The following QTMAN variants were observed in gnomAD, a reference collection of about 807,000 sequenced individuals.
QTMAN encodes queuosine-tRNA mannosyltransferase.
chr2:144,004,459 CTG>C, the QTMAN span, among the ~76,000 whole-genome samples: 8 of 152,050 alleles, frequency 5.3e-5, no homozygotes, highest in South Asian at 1.2e-3. Flanking sequence ...TAAAAATAAA[CTG>C]TATTTTTATG....
At chr2:143,984,773 G>C in the QTMAN span, among the ~76,000 whole-genome samples, 9 of 152,218 alleles carry the variant, frequency 5.9e-5, no homozygotes, top group African/African-American at 2.2e-4. Flanking sequence ...ACTATGGTCA[G>C]AGAGGAGTTT....
the QTMAN span, among the ~76,000 whole-genome samples, chr2:144,179,721 G>A: frequency 1.3e-5 from 2 of 152,142 alleles, no homozygotes; most frequent in Non-Finnish European, 2.9e-5. Context: ...AAGAAGTATA[G>A]TTAGGTCACA....
At chr2:144,222,506 T>C in the QTMAN span, among the ~76,000 whole-genome samples, 1,191 of 152,110 alleles carry the variant, frequency 7.8e-3, 6 homozygotes, top group Non-Finnish European at 0.013. Context: ...CTGAAGTGTC[T>C]TGTATTAAGA....
the QTMAN span, among the ~76,000 whole-genome samples, chr2:144,083,506 T>C: frequency 6.6e-6 from 1 of 152,184 alleles, no homozygotes; most frequent in Non-Finnish European, 1.5e-5. Flanking sequence ...TATAATTGTT[T>C]AAGAACACTC....
At chr2:144,171,541 A>T in the QTMAN span, among the ~76,000 whole-genome samples, 2,334 of 152,304 alleles carry the variant, frequency 0.015, 60 homozygotes, top group African/African-American at 0.053. Flanking sequence ...TATTTTAATT[A>T]TGTGAAAAAC....
At chr2:144,249,233 C>A in the QTMAN span, among the ~76,000 whole-genome samples, 1 of 152,136 alleles carries the variant, frequency 6.6e-6, no homozygotes. Context: ...AGAAAACGCT[C>A]ATTTTTGTAT....
the QTMAN span, chr2:144,005,985 T>C: frequency 3.9e-5 from 6 of 152,086 alleles, no homozygotes; most frequent in African/African-American, 1.2e-4. Flanking sequence ...GAAAAAGCTT[T>C]TCAGAAGGGA....
At chr2:144,041,172 T>C in the QTMAN span, among the ~76,000 whole-genome samples, 1 of 152,280 alleles carries the variant, frequency 6.6e-6, no homozygotes, top group South Asian at 2.1e-4. Context: ...GGTCAAGCGA[T>C]TTTTAACACA....
At chr2:144,201,341 T>C in the QTMAN span, among the ~76,000 whole-genome samples, 1 of 152,090 alleles carries the variant, frequency 6.6e-6, no homozygotes, top group African/African-American at 2.4e-5. Context: ...AGGAAAAAGC[T>C]TGATGTTTCA....
At chr2:144,311,026 TTGTG>T in the QTMAN span, among the ~76,000 whole-genome samples, 1 of 152,334 alleles carries the variant, frequency 6.6e-6, no homozygotes, top group Non-Finnish European at 1.5e-5. Flanking sequence ...AATGGATTGT[TTGTG>T]TGTTTTCTGA....
At chr2:144,308,473 T>C in the QTMAN span, among the ~76,000 whole-genome samples, 3 of 152,088 alleles carry the variant, frequency 2.0e-5, no homozygotes, top group African/African-American at 7.2e-5. Flanking sequence ...CCATGATTAG[T>C]TGATTTTTAA....
At chr2:144,275,747 C>T in the QTMAN span, among the ~76,000 whole-genome samples, 1 of 152,096 alleles carries the variant, frequency 6.6e-6, no homozygotes, top group Admixed American at 6.6e-5. Flanking sequence ...ACAACCTATT[C>T]CAATTCACGT....
the QTMAN span, among the ~76,000 whole-genome samples, chr2:144,056,502 T>C: frequency 6.6e-6 from 1 of 152,248 alleles, no homozygotes; most frequent in Non-Finnish European, 1.5e-5. Context: ...GTTTGTCATC[T>C]GTCTTTCCTC....
chr2:143,947,709 G>C, the QTMAN span, among the ~76,000 whole-genome samples: 1 of 152,196 alleles, frequency 6.6e-6, no homozygotes, highest in Non-Finnish European at 1.5e-5. Flanking sequence ...AGATCACCTA[G>C]AATCAGGTTG....
the QTMAN span, chr2:143,942,509 T>G: frequency 6.0e-6 from 1 of 167,232 alleles, no homozygotes; most frequent in Non-Finnish European, 1.5e-5. Context: ...CTCTGAGAGC[T>G]CTTGTGCTCT....
the QTMAN span, among the ~76,000 whole-genome samples, chr2:143,975,346 C>T: frequency 6.6e-6 from 1 of 152,194 alleles, no homozygotes. Context: ...CACATAACTT[C>T]ATACATATTG....
the QTMAN span, among the ~76,000 whole-genome samples, chr2:144,314,288 A>T: frequency 6.6e-6 from 1 of 152,218 alleles, no homozygotes; most frequent in African/African-American, 2.4e-5. Flanking sequence ...GAAGTCAGAT[A>T]CAAAAGGGTA....
the QTMAN span, among the ~76,000 whole-genome samples, chr2:144,176,941 G>A: frequency 6.6e-6 from 1 of 152,150 alleles, no homozygotes; most frequent in Non-Finnish European, 1.5e-5. Context: ...GGAGGCCTCA[G>A]GAAACTTACA....
chr2:143,994,059 T>C, the QTMAN span, among the ~76,000 whole-genome samples: 1 of 152,194 alleles, frequency 6.6e-6, no homozygotes, highest in African/African-American at 2.4e-5. Context: ...CATAGAGCCA[T>C]TCAATACATG....
Sources: allele counts gnomAD v4.1 joint callset (sites outside exome capture counted in the v4.1 genomes callset), GRCh38; gene constraint gnomAD v4.1.1; transcripts MANE v1.5; gene names NCBI Gene and HGNC (gene_info 2026-07-23, HGNC 2026-07-21).